Variants in PDILT observed in about 807,000 individuals in gnomAD.
PDILT encodes protein disulfide isomerase like, testis expressed.
A neutral mutation model predicts 53.7 loss-of-function variants in PDILT; 43 were observed. The observed-to-expected ratio is 0.80, with a 90% CI of 0.63 to 1.03. The LOEUF (loss-of-function observed/expected upper bound fraction) is 1.03, where lower values mean the gene tolerates loss of function less well. PDILT is among the 50% of genes least tolerant of loss of function. The probability of loss-of-function intolerance (pLI) is 0.00; values close to 1 mark genes in which losing one functional copy is unlikely to be tolerated. For missense variants in PDILT, 727 were observed against 712.3 expected (o/e 1.02, Z -0.24); for synonymous variants, 282 against 274.2 (o/e 1.03, Z -0.28).
At chr16:20,393,945 A>G (rs548083454) in intron 2 of PDILT, among the ~76,000 whole-genome samples, 15 of 152,318 alleles carry the variant, frequency 9.8e-5, no homozygotes, top group African/African-American at 3.6e-4. Context: ...TTTCTTTTAA[A>G]CACTGCATGG....
intron 2 of PDILT, among the ~76,000 whole-genome samples, chr16:20,396,122 G>A (rs984972681): frequency 1.3e-5 from 2 of 152,224 alleles, no homozygotes; most frequent in Admixed American, 1.3e-4. Context: ...GGGAACTCAT[G>A]TTTATTGAGC....
In PDILT at chr16:20,359,496, C is replaced by T; in HGVS notation, c.1578G>A (p.Met526Ile). 6.2e-7 allele frequency: 1 copy of T among 1,614,120 alleles called. No individual in the cohort carries two copies. The highest frequency in any genetic ancestry group is 8.5e-7 in the Non-Finnish European group (1 of 1,179,976). Reference sequence around the variant, plus strand: ...ACTGCTGTTCAGGTAACCCTTTCCTCATCATAGGCACCTCCTTTTCCTCAG... The same window carrying T: ...ACTGCTGTTCAGGTAACCCTTTCCTTATCATAGGCACCTCCTTTTCCTCAG... The part of the protein sequence containing the change: ...VLAEEKEVPM[M>I]RKGLPEQQSP... The change falls in exon 12 of 12, where the codon ATG becomes ATA. Residue 526 changes from methionine to isoleucine, a missense_variant. Coordinates refer to ENST00000302451, the MANE Select transcript of PDILT (RefSeq NM_174924.2).
chr16:20,365,667 T>C, intron 8 of PDILT, 127 bp from the exon 9 acceptor site: 7 of 1,184,732 alleles, frequency 5.9e-6, no homozygotes, highest in Middle Eastern at 2.0e-4. Context: ...TAGGAAAGGG[T>C]TTGAAATACT....
chr16:20,365,833 A>T (rs1596579068), intron 8 of PDILT, among the ~76,000 whole-genome samples: 1 of 151,456 alleles, frequency 6.6e-6, no homozygotes, highest in Admixed American at 6.6e-5. Flanking sequence ...CTATAATCAC[A>T]GCACTTTGGG....
intron 9 of PDILT, among the ~76,000 whole-genome samples, chr16:20,363,959 T>C (rs1455172840): frequency 6.6e-6 from 1 of 152,142 alleles, no homozygotes; most frequent in African/African-American, 2.4e-5. Context: ...TCTGGCTCTG[T>C]AAGCGAAATG....
intron 2 of PDILT, among the ~76,000 whole-genome samples, chr16:20,393,697 G>A (rs1301027583): frequency 2.6e-5 from 4 of 152,134 alleles, no homozygotes; most frequent in East Asian, 1.9e-4. Context: ...TTGGAAGACC[G>A]AATTTCTGGC....
chr16:20,360,785 C>T, intron 10 of PDILT, 128 bp from the exon 11 acceptor site: 2 of 672,236 alleles, frequency 3.0e-6, no homozygotes, highest in Non-Finnish European at 2.7e-6. Context: ...GTTCCCTAAC[C>T]TCTCTTAGCC....
chr16:20,398,950 G>T (rs1966694737), intron 2 of PDILT, 149 bp downstream of exon 2: 2 of 847,374 alleles, frequency 2.4e-6, no homozygotes, highest in Non-Finnish European at 3.7e-6. Flanking sequence ...GGAGATTGGA[G>T]ATGATGCTGT....
chr16:20,367,013 TCTCTCTC>T (rs1966208620), intron 8 of PDILT, among the ~76,000 whole-genome samples: 9 of 149,744 alleles, frequency 6.0e-5, no homozygotes, highest in African/African-American at 2.2e-4. Context: ...TATTTATTTC[TCTCTCTC>T]TTTCTTCTTT....
At position 20,387,950 on chromosome 16, in the gene PDILT, C is replaced by T. The variant is rs545004073; in HGVS notation, c.203-3099G>A. Among the ~76,000 whole-genome samples the T allele has an allele frequency of 4.2e-4, 64 of 152,224 alleles. 1 individual carries two copies. In the South Asian group the frequency reaches 0.01, roughly 25 times the overall value. ...AGAGAAAGGATGCAGGTAGACCAGT[C>T]GGAGGCTACTACAGTAATCCAGGCA... On this transcript the variant is annotated intron_variant, in intron 2 of 11. Coordinates refer to ENST00000302451, the MANE Select transcript of PDILT (RefSeq NM_174924.2).
At chr16:20,362,319 A>T in intron 10 of PDILT, 85 bp downstream of exon 10, 4 of 1,424,336 alleles carry the variant, frequency 2.8e-6, no homozygotes, top group Non-Finnish European at 3.9e-6. Context: ...TTTGGTAGAA[A>T]GCGCAGCTGG....
chr16:20,391,273 A>G (rs905807766), intron 2 of PDILT: 1 of 162,780 alleles, frequency 6.1e-6, no homozygotes, highest in South Asian at 1.5e-4. Flanking sequence ...ATAGTTAATC[A>G]TCATCATCAT....
At chr16:20,381,105 A>C (rs1181019438) in intron 3 of PDILT, among the ~76,000 whole-genome samples, 1 of 152,242 alleles carries the variant, frequency 6.6e-6, no homozygotes, top group Non-Finnish European at 1.5e-5. Flanking sequence ...CCTAGAGGCA[A>C]CCTGAGTCTC....
intron 1 of PDILT, among the ~76,000 whole-genome samples, chr16:20,403,415 T>G (rs8049346): frequency 0.054 from 8,287 of 152,158 alleles, 726 homozygotes; most frequent in African/African-American, 0.19. Context: ...TCAACCTCCC[T>G]AGCAGCTGGG....
At chr16:20,398,119 T>C (rs1966685141) in intron 2 of PDILT, among the ~76,000 whole-genome samples, 1 of 152,150 alleles carries the variant, frequency 6.6e-6, no homozygotes, top group Non-Finnish European at 1.5e-5. Flanking sequence ...GATCAAATGA[T>C]GTCACATTTA....
chr16:20,398,960 T>A, intron 2 of PDILT, 139 bp downstream of exon 2: 1 of 923,904 alleles, frequency 1.1e-6, no homozygotes, highest in East Asian at 2.6e-5. Context: ...GATGATGCTG[T>A]CTATATATAT....
intron 9 of PDILT, among the ~76,000 whole-genome samples, chr16:20,363,483 G>A (rs1966141275): frequency 6.6e-6 from 1 of 151,908 alleles, no homozygotes; most frequent in South Asian, 2.1e-4. Flanking sequence ...GTATGTGTGT[G>A]TGTGTGTGTG....
At chr16:20,367,071 CTTTCTTTCTTTCTTTCTTTCTTTCTTTCT>C (rs1421726395) in intron 8 of PDILT, among the ~76,000 whole-genome samples, 14 of 120,502 alleles carry the variant, frequency 1.2e-4, no homozygotes, top group African/African-American at 4.6e-4. Flanking sequence ...TTCTTTCTTT[CTTTCTTTCTTTCTTTCTTTCTTTCTTTCT>C]TTCTTCCTTT....
intron 9 of PDILT, among the ~76,000 whole-genome samples, chr16:20,364,353 C>T (rs1022640060): frequency 2.0e-5 from 3 of 152,200 alleles, no homozygotes; most frequent in Admixed American, 6.5e-5. Context: ...AAAAGGCCTG[C>T]ATGATGCAGT....
Sources: allele counts gnomAD v4.1 joint callset (sites outside exome capture counted in the v4.1 genomes callset), GRCh38; gene constraint gnomAD v4.1.1; transcripts MANE v1.5; gene names NCBI Gene and HGNC (gene_info 2026-07-23, HGNC 2026-07-21).